WDR7: variants seen among roughly 807,000 people sequenced by gnomAD.
The protein encoded by WDR7 is WD repeat-containing protein 7.
WDR7 carries 46 observed loss-of-function variants against 169.4 expected under a neutral mutation model. The observed-to-expected ratio is 0.27, with a 90% CI of 0.21 to 0.35. The LOEUF (loss-of-function observed/expected upper bound fraction) is 0.35, where lower values mean the gene tolerates loss of function less well. WDR7 is among the 10% of genes least tolerant of loss of function. The probability of loss-of-function intolerance (pLI) is 1.00; values close to 1 mark genes in which losing one functional copy is unlikely to be tolerated. For synonymous variants in WDR7, 612 were observed against 666.8 expected, an observed-to-expected ratio of 0.92 and a Z score of 1.27; for missense variants, 1,534 against 1,859.3, an observed-to-expected ratio of 0.83 and a Z score of 3.22.
intron 21 of WDR7, among the ~76,000 whole-genome samples, chr18:56,913,884 C>T (rs1464221517): frequency 1.3e-5 from 2 of 152,128 alleles, no homozygotes; most frequent in Non-Finnish European, 1.5e-5. Flanking sequence ...CTTGCCTGAG[C>T]CGTTGGGAGC....
intron 14 of WDR7, among the ~76,000 whole-genome samples, chr18:56,735,511 G>C (rs1330958572): frequency 6.6e-6 from 1 of 152,128 alleles, no homozygotes; most frequent in Non-Finnish European, 1.5e-5. Context: ...ATAGATGCTG[G>C]AGTGTAGAGC....
In WDR7 at chr18:56,801,652, C is replaced by G. The variant is rs140422314; in HGVS notation, c.3191-14379C>G. Reference sequence around the variant, plus strand: ...TCCCTGGCAATCACTCATCTGTTTTCCATCCTTACAGTTTTTCCTTTTCCA... The same window carrying G: ...TCCCTGGCAATCACTCATCTGTTTTGCATCCTTACAGTTTTTCCTTTTCCA... On this transcript the variant is annotated intron_variant, in intron 19 of 27. Transcript: ENST00000254442. 1.3e-3 allele frequency among the ~76,000 whole-genome samples: 201 copies of G among 152,272 alleles called. 1 individual carries two copies. Among genetic ancestry groups the G allele is most frequent in the African/African-American group, 4.7e-3 (197 of 41,548 alleles).
At chr18:56,962,565 G>T in intron 26 of WDR7, 36 bp downstream of exon 26, 1 of 1,594,388 alleles carries the variant, frequency 6.3e-7, no homozygotes, top group Non-Finnish European at 8.6e-7. Context: ...TCCATAAAGC[G>T]TGGAAGTTAT....
chr18:56,947,818 G>C (rs907840625), intron 25 of WDR7, among the ~76,000 whole-genome samples: 1 of 152,194 alleles, frequency 6.6e-6, no homozygotes, highest in African/African-American at 2.4e-5. Flanking sequence ...TGTGTGATAC[G>C]CACATGTTCC....
At chr18:57,000,581 G>A (rs993278713) in intron 26 of WDR7, among the ~76,000 whole-genome samples, 1 of 152,086 alleles carries the variant, frequency 6.6e-6, no homozygotes, top group Non-Finnish European at 1.5e-5. Flanking sequence ...ACATTTGTAA[G>A]CTCAAACAGC....
chr18:56,754,216 C>G (rs2043839272), intron 14 of WDR7, among the ~76,000 whole-genome samples: 1 of 148,222 alleles, frequency 6.7e-6, no homozygotes. Flanking sequence ...GAAGGGTAAG[C>G]AGCAGTATAT....
At chr18:56,893,822 A>G (rs933539884) in intron 21 of WDR7, among the ~76,000 whole-genome samples, 2 of 152,140 alleles carry the variant, frequency 1.3e-5, no homozygotes, top group Non-Finnish European at 2.9e-5. Context: ...TGATTTGTGC[A>G]TGTGTGTTTT....
chr18:56,817,018 A>G (rs1181912922), intron 20 of WDR7, among the ~76,000 whole-genome samples: 2 of 152,168 alleles, frequency 1.3e-5, no homozygotes, highest in African/African-American at 4.8e-5. Context: ...AGAAAGAAGC[A>G]TGCCCAGAAA....
intron 22 of WDR7, among the ~76,000 whole-genome samples, chr18:56,925,845 CTT>C (rs930870205): frequency 3.9e-5 from 6 of 152,176 alleles, no homozygotes; most frequent in Non-Finnish European, 8.8e-5. Context: ...GCATCCTAAA[CTT>C]TACCTCGGTG....
At chr18:56,898,419 C>T (rs1418712928) in intron 21 of WDR7, among the ~76,000 whole-genome samples, 3 of 151,986 alleles carry the variant, frequency 2.0e-5, no homozygotes, top group Non-Finnish European at 4.4e-5. Flanking sequence ...TTAACACAGC[C>T]TTCAAGTTTT....
chr18:56,935,110 T>G (rs1026261645), intron 22 of WDR7, among the ~76,000 whole-genome samples: 1 of 152,186 alleles, frequency 6.6e-6, no homozygotes, highest in African/African-American at 2.4e-5. Flanking sequence ...TTTCATTGTG[T>G]GCCTCGTCTT....
intron 20 of WDR7, among the ~76,000 whole-genome samples, chr18:56,840,313 A>T (rs2045463367): frequency 6.6e-6 from 1 of 152,154 alleles, no homozygotes; most frequent in African/African-American, 2.4e-5. Context: ...ATTATGATTG[A>T]ACCAAAATGA....
intron 9 of WDR7, among the ~76,000 whole-genome samples, chr18:56,693,577 T>G (rs1211557059): frequency 1.4e-5 from 2 of 139,822 alleles, no homozygotes; most frequent in African/African-American, 5.2e-5. Context: ...TTTTTTGTTT[T>G]TTTTTTTTTT....
At chr18:57,025,301 G>T (rs144515146) in intron 27 of WDR7, among the ~76,000 whole-genome samples, 23 of 152,230 alleles carry the variant, frequency 1.5e-4, no homozygotes, top group African/African-American at 4.8e-4. Flanking sequence ...AACACACTAC[G>T]CCTGTTGATG....
intron 1 of WDR7, among the ~76,000 whole-genome samples, chr18:56,662,260 G>C (rs997224223): frequency 1.3e-5 from 2 of 152,220 alleles, no homozygotes; most frequent in Admixed American, 6.5e-5. Context: ...CTGTTGCTAG[G>C]ATAGAAATAC....
intron 26 of WDR7, among the ~76,000 whole-genome samples, chr18:57,009,080 G>A (rs1599242641): frequency 2.0e-5 from 3 of 152,110 alleles, no homozygotes; most frequent in African/African-American, 7.2e-5. Flanking sequence ...TTTTGCCACA[G>A]TAATTACTCT....
chr18:56,783,288 G>A (rs2044347549), intron 19 of WDR7, among the ~76,000 whole-genome samples: 1 of 152,078 alleles, frequency 6.6e-6, no homozygotes, highest in Non-Finnish European at 1.5e-5. Flanking sequence ...ATAAAATTGG[G>A]ATGAAAAGAA....
chr18:56,899,342 A>G (rs899468553), intron 21 of WDR7, among the ~76,000 whole-genome samples: 1 of 152,052 alleles, frequency 6.6e-6, no homozygotes, highest in Non-Finnish European at 1.5e-5. Flanking sequence ...ATTATTTTAA[A>G]TAGGTATATT....
chr18:56,941,027 C>T (rs927177505), intron 25 of WDR7, among the ~76,000 whole-genome samples: 1 of 152,088 alleles, frequency 6.6e-6, no homozygotes, highest in Non-Finnish European at 1.5e-5. Flanking sequence ...TCTGATTTGG[C>T]GGAAAGGAGT....
Sources: gnomAD v4.1 joint callset for allele counts (sites outside exome capture counted in the v4.1 genomes callset) on GRCh38, gnomAD v4.1.1 for gene constraint, MANE v1.5 for transcripts, NCBI Gene and HGNC (gene_info 2026-07-23, HGNC 2026-07-21) for gene names.